The following PCDH12 variants were observed in gnomAD, a reference collection of about 807,000 sequenced individuals.
PCDH12 encodes protocadherin 12, also known as protocadherin-12.
In PCDH12, 45 loss-of-function variants were observed where a neutral mutation model predicts 70.9. The observed-to-expected ratio is 0.63, with a 90% confidence interval of 0.50 to 0.81. The LOEUF (loss-of-function observed/expected upper bound fraction) is 0.81. Ranked by LOEUF, PCDH12 falls within the 40% of genes least tolerant of loss-of-function variation. The pLI, the probability that PCDH12 is intolerant of heterozygous loss-of-function variation, is 0.00. For synonymous variants in PCDH12, 567 were observed against 626.0 expected, an observed-to-expected ratio of 0.91 and a Z score of 1.41; for missense variants, 1,370 against 1,491.7, an observed-to-expected ratio of 0.92 and a Z score of 1.34.
Position 141,958,163 on chromosome 5 carries a change from T to G in PCDH12, c.-312A>C, listed in dbSNP as rs1407751396. 3 of 329,870 alleles carry G rather than the reference T, an allele frequency of 9.1e-6. No individual in the cohort carries two copies. Among genetic ancestry groups the G allele is most frequent in the Non-Finnish European group, 1.7e-5 (3 of 179,656 alleles). 20.4% of individuals were successfully genotyped at this position (329,870 alleles called of 1,614,324 possible). Reference sequence around the variant, plus strand: ...TGGTCTAAGAGGGACCTGACCCAGTTGAGCAGGATGTGGGACTCTGACTGC... The same window carrying G: ...TGGTCTAAGAGGGACCTGACCCAGTGGAGCAGGATGTGGGACTCTGACTGC... On this transcript the variant is annotated 5_prime_UTR_variant, in exon 1 of 4. Transcript: ENST00000231484.
chr5:141,945,982 TG>T (rs1377198886), intron 3 of PCDH12, among the ~76,000 whole-genome samples, 177 bp from the exon 4 acceptor site: 1 of 152,046 alleles, frequency 6.6e-6, no homozygotes, highest in Non-Finnish European at 1.5e-5. Flanking sequence ...GGAAGCTCCC[TG>T]GGTAGGAAAG....
rs1561532096 is a variant in PCDH12, at chr5:141,945,666, G to GA, written c.3269dup (p.Gly1091ArgfsTer81). 6.2e-7 allele frequency: 1 copy of GA among 1,614,196 alleles called. No individual in the cohort carries two copies. The highest frequency in any genetic ancestry group is 2.2e-5 in the East Asian group (1 of 44,882). On this transcript the variant is annotated frameshift_variant, in exon 4 of 4. Coordinates refer to ENST00000231484, the MANE Select transcript of PCDH12 (RefSeq NM_016580.4). LOFTEE classifies it high-confidence loss of function. ...TCAGCTCTGGTGCCTCTGCCTTGCCGAACGTCTGGAAGGTCCTTGGCTCCT... is the reference window on the plus strand; with the variant it reads ...TCAGCTCTGGTGCCTCTGCCTTGCCGAAACGTCTGGAAGGTCCTTGGCTCCT...
intron 3 of PCDH12, 125 bp from the exon 4 acceptor site, chr5:141,945,930 C>T: frequency 1.2e-6 from 1 of 843,478 alleles, no homozygotes; most frequent in African/African-American, 1.7e-5. Flanking sequence ...AGGGGACAGA[C>T]AGAGTGGCCA....
Position 141,957,591 on chromosome 5 carries a change from G to A in PCDH12, c.261C>T (p.Ser87=). 1 of 1,614,214 alleles carries A rather than the reference G, an allele frequency of 6.2e-7. No individual in the cohort carries two copies. Among genetic ancestry groups the A allele is most frequent in the Non-Finnish European group, 8.5e-7 (1 of 1,180,034 alleles). ...IQVDSEEGLL[S]TGRRLDREQL... ...GCTCTCGATCCAGCCGCCTGCCTGT[G>A]CTGAGCAAGCCTTCCTCAGAGTCCA... Residue 87 remains serine (S), a synonymous_variant, in exon 1 of 4, where the codon AGC becomes AGT. Coordinates refer to ENST00000231484, the MANE Select transcript of PCDH12 (RefSeq NM_016580.4). This position sits in a 1 kb window ranked among gnomAD's most constrained non-coding sequence, Gnocchi z 4.3.
Position 141,955,640 on chromosome 5 carries a change from A to T in PCDH12, c.2212T>A (p.Ser738Thr). The T allele has an allele frequency of 6.2e-7, 1 of 1,614,108 alleles. No homozygotes were observed. The highest frequency in any genetic ancestry group is 8.5e-7 in the Non-Finnish European group (1 of 1,180,030). The change falls in exon 1 of 4, where the codon TCC becomes ACC. Residue 738 changes from serine (S) to threonine (T), a missense_variant. By Grantham distance (58) the Ser-to-Thr change is moderately conservative. Transcript: ENST00000231484. This position sits in a 1 kb window ranked among gnomAD's most constrained non-coding sequence, Gnocchi z 5.5. ...TCCTTCTTTTCTGTCCGGCAGATGGACATGAACAAAGCCAGGATCAACCCG... is the reference window on the plus strand; with the variant it reads ...TCCTTCTTTTCTGTCCGGCAGATGGTCATGAACAAAGCCAGGATCAACCCG... ...IFGLILALFMSICRTEKKDNR... is the reference protein window; with the variant it reads ...IFGLILALFMTICRTEKKDNR...
At position 141,956,076 on chromosome 5, in the gene PCDH12, G is replaced by A. The variant is rs755197689; in HGVS notation, c.1776C>T (p.Ile592=). ...NASTGHLLVP[I]ETPNGLGPAG... ...CTGGGCCCAAGCCATTGGGAGTCTC[G>A]ATGGGCACCAGCAGGTGGCCTGTGG... The change falls in exon 1 of 4, where the codon ATC becomes ATT. Residue 592 remains isoleucine (I), a synonymous_variant. Coordinates refer to ENST00000231484, the MANE Select transcript of PCDH12 (RefSeq NM_016580.4). The A allele has an allele frequency of 3.0e-5, 49 of 1,614,150 alleles. No homozygotes were observed. Among genetic ancestry groups the A allele is most frequent in the Non-Finnish European group, 4.0e-5 (47 of 1,180,020 alleles).
At position 141,955,046 on chromosome 5, in the gene PCDH12, C is replaced by T. The variant is rs747183572; in HGVS notation, c.2806G>A (p.Val936Ile). ...SGPRQILRSLVRLSVAAFAER... is the reference protein window; with the variant it reads ...SGPRQILRSLIRLSVAAFAER... Reference sequence around the variant, plus strand: ...GCGAAGGCAGCCACAGACAGCCGGACCAGGCTCCGCAGGATCTGACGGGGC... The same window carrying T: ...GCGAAGGCAGCCACAGACAGCCGGATCAGGCTCCGCAGGATCTGACGGGGC... The change falls in exon 1 of 4, where the codon GTC becomes ATC. Residue 936 changes from valine to isoleucine, a missense_variant. Coordinates refer to ENST00000231484, the MANE Select transcript of PCDH12 (RefSeq NM_016580.4). The surrounding 1 kb of genome is among the most constrained non-coding windows in gnomAD (Gnocchi z 5.5). 6 of 1,614,238 alleles carry T rather than the reference C, an allele frequency of 3.7e-6. No individual in the cohort carries two copies. Among genetic ancestry groups the T allele is most frequent in the Admixed American group, 3.3e-5 (2 of 60,030 alleles).
rs1280139217 is a variant in PCDH12, at chr5:141,944,795, G to A, written c.*586C>T. On this transcript the variant is annotated 3_prime_UTR_variant, in exon 4 of 4. Transcript: ENST00000231484. ...ATTAGTTGGTAACATAGTGATAGGG[G>A]AACAGGGGTAAGAGCACACATGTCT... is the stretch of plus-strand genomic sequence containing the variant. 2 of 152,452 alleles carry A rather than the reference G, an allele frequency of 1.3e-5. No individual in the cohort carries two copies. The highest frequency in any genetic ancestry group is 2.9e-5 in the Non-Finnish European group (2 of 68,270). The allele number at this position is 152,452 out of a possible 1,614,324, so 9.4% of individuals were successfully genotyped here.
chr5:141,956,313 G>A lies in PCDH12; in HGVS notation c.1539C>T (p.Asn513=), dbSNP rs760952375. The part of the protein sequence containing the change: ...PVAHLVAIDS[N]TGEVTAQRSL... ...ACCTCTGAGCAGTGACCTCTCCTGT[G>A]TTGGAGTCAATAGCTACTAAGTGAG... Residue 513 remains asparagine, a synonymous_variant, in exon 1 of 4, where the codon AAC becomes AAT. Coordinates refer to ENST00000231484, the MANE Select transcript of PCDH12 (RefSeq NM_016580.4). 2.4e-5 allele frequency: 38 copies of A among 1,614,236 alleles called. No homozygotes were observed. The highest frequency in any genetic ancestry group is 3.1e-5 in the Non-Finnish European group (36 of 1,180,046).
Position 141,957,280 on chromosome 5 carries a change from G to C in PCDH12, c.572C>G (p.Thr191Ser). The C allele has an allele frequency of 6.2e-7, 1 of 1,613,740 alleles. No homozygotes were observed. Among genetic ancestry groups the C allele is most frequent in the East Asian group, 2.2e-5 (1 of 44,874 alleles). Residue 191 changes from threonine to serine, a missense_variant, in exon 1 of 4, where the codon ACC (threonine) becomes AGC (serine). Transcript: ENST00000231484. The surrounding 1 kb of genome is among the most constrained non-coding windows in gnomAD (Gnocchi z 4.3). ...ALDVIVGPDE[T>S]KHAELIVVKE... is the part of the protein sequence containing the mutation. ...CACCACTATGAGTTCTGCATGTTTG[G>C]TCTCATCAGGGCCCACAATGACATC... is the stretch of plus-strand genomic sequence containing the variant.
intron 3 of PCDH12, among the ~76,000 whole-genome samples, chr5:141,946,016 G>A (rs887070728): frequency 4.6e-5 from 7 of 152,202 alleles, no homozygotes; most frequent in South Asian, 2.1e-4. Flanking sequence ...ACACCCGGGC[G>A]AACCAAGTGG....
At chr5:141,945,835 G>T (rs1345237573) in intron 3 of PCDH12, 30 bp from the exon 4 acceptor site, 3 of 1,593,244 alleles carry the variant, frequency 1.9e-6, no homozygotes, top group Admixed American at 3.4e-5. Flanking sequence ...CACAGTGAGG[G>T]CCAGGCTCCG....
At position 141,944,380 on chromosome 5, in the gene PCDH12, G is replaced by A. The variant is rs979315520; in HGVS notation, c.*1001C>T. The A allele has an allele frequency of 2.6e-5, 4 of 152,290 alleles. No homozygotes were observed. The highest frequency in any genetic ancestry group is 1.3e-4 in the Admixed American group (2 of 15,286). 9.4% of individuals were successfully genotyped at this position (152,290 alleles called of 1,614,324 possible). A position where few individuals can be genotyped will look rare whatever the true frequency, so the allele number is the denominator to read the frequency against. ...TGCTTGGGAATGTAGAGAGGTGCGG[G>A]CCTGGATGGCTTTGGAAATGTTCCT... On this transcript the variant is annotated 3_prime_UTR_variant, in exon 4 of 4. Transcript: ENST00000231484.
rs138061122 is a variant in PCDH12, at chr5:141,945,685, G to A, written c.3251C>T (p.Pro1084Leu). The A allele has an allele frequency of 8.7e-5, 140 of 1,614,146 alleles. No individual in the cohort carries two copies. The highest frequency in any genetic ancestry group is 5.2e-4 in the African/African-American group (39 of 75,044). The change falls in exon 4 of 4, where the codon CCA becomes CTA. Residue 1084 changes from proline to leucine, a missense_variant. Physicochemically the swap from Pro to Leu is moderately conservative, Grantham distance 98. Coordinates refer to ENST00000231484, the MANE Select transcript of PCDH12 (RefSeq NM_016580.4). ...ISPDAAATEE[P>L]RTFQTFGKAE... ...CTTGCCGAACGTCTGGAAGGTCCTT[G>A]GCTCCTCCGTGGCTGCAGCATCCGG... is the stretch of plus-strand genomic sequence containing the variant.
At position 141,955,610 on chromosome 5, in the gene PCDH12, T is replaced by C; in HGVS notation, c.2242A>G (p.Arg748Gly). 6.2e-7 allele frequency: 1 copy of C among 1,614,148 alleles called. No individual in the cohort carries two copies. The part of the protein sequence containing the change: ...SICRTEKKDN[R>G]AYNCREAEST... ...TCGGCCTCCCGACAGTTGTAGGCCC[T>C]GTTGTCCTTCTTTTCTGTCCGGCAG... The change falls in exon 1 of 4, where the codon AGG (arginine) becomes GGG (glycine). Residue 748 changes from arginine to glycine, a missense_variant. Transcript: ENST00000231484. This position sits in a 1 kb window ranked among gnomAD's most constrained non-coding sequence, Gnocchi z 5.5.
Position 141,957,605 on chromosome 5 carries a change from C to T in PCDH12, c.247G>A (p.Glu83Lys). The T allele has an allele frequency of 6.2e-7, 1 of 1,614,204 alleles. No individual in the cohort carries two copies. The highest frequency in any genetic ancestry group is 8.5e-7 in the Non-Finnish European group (1 of 1,180,030). ...QALPIQVDSE[E>K]GLLSTGRRLD... ...CGCCTGCCTGTGCTGAGCAAGCCTTCCTCAGAGTCCACCTGAATGGGGAGC... is the reference window on the plus strand; with the variant it reads ...CGCCTGCCTGTGCTGAGCAAGCCTTTCTCAGAGTCCACCTGAATGGGGAGC... Residue 83 changes from glutamate to lysine, a missense_variant, in exon 1 of 4, where the codon GAA becomes AAA. Glu to Lys is a moderately conservative substitution (Grantham distance 56, BLOSUM62 1). Transcript: ENST00000231484. This position sits in a 1 kb window ranked among gnomAD's most constrained non-coding sequence, Gnocchi z 4.3.
At chr5:141,948,910 T>C (rs897937531) in intron 3 of PCDH12, among the ~76,000 whole-genome samples, 3 of 152,158 alleles carry the variant, frequency 2.0e-5, no homozygotes, top group Non-Finnish European at 4.4e-5. Flanking sequence ...ATAATCAACG[T>C]AGGCCAGGTG....
At position 141,945,431 on chromosome 5, in the gene PCDH12, C is replaced by G. The variant is rs377240487; in HGVS notation, c.3505G>C (p.Gly1169Arg). ...CTGCCTCTGCTCTTGCCCTCAGTCC[C>G]CGTCTTTCCACCTGGGTCCCCTTGC... ...KVQGDPGGKT[G>R]TEGKSRGSSS... Residue 1169 changes from glycine to arginine, a missense_variant, in exon 4 of 4, where the codon GGG becomes CGG. Gly to Arg is a moderately radical substitution (Grantham distance 125, BLOSUM62 -2). Transcript: ENST00000231484. 1.2e-5 allele frequency: 19 copies of G among 1,603,196 alleles called. No individual in the cohort carries two copies. In the Admixed American group the frequency reaches 2.7e-4, roughly 23 times the overall value.
rs1752834184 is a variant in PCDH12, at chr5:141,943,826, A to G, written c.*1555T>C. The stretch of plus-strand genomic sequence containing the variant: ...CTGGCCTAGAGTGAGGTGAGGAGAA[A>G]CTCTGCCCCTGAAACTCATAACTTT... On this transcript the variant is annotated 3_prime_UTR_variant, in exon 4 of 4. Transcript: ENST00000231484. The G allele has an allele frequency of 6.6e-6, 1 of 151,068 alleles. No individual in the cohort carries two copies. Among genetic ancestry groups the G allele is most frequent in the South Asian group, 2.1e-4 (1 of 4,750 alleles). The allele number at this position is 151,068 out of a possible 1,614,324, so 9.4% of individuals were successfully genotyped here. A position where few individuals can be genotyped will look rare whatever the true frequency, so the allele number is the denominator to read the frequency against.
Sources: gnomAD v4.1 joint callset for allele counts (sites outside exome capture counted in the v4.1 genomes callset) on GRCh38, gnomAD v4.1.1 for gene constraint, Gnocchi (gnomAD v3.1) non-coding constraint, MANE v1.5 for transcripts, NCBI Gene and HGNC (gene_info 2026-07-23, HGNC 2026-07-21) for gene names.